PUDP: variants seen among roughly 807,000 people sequenced by gnomAD.
PUDP encodes the protein pseudouridine-5'-phosphatase.
In PUDP, 8 loss-of-function variants were observed where a neutral mutation model predicts 9.4. The observed-to-expected ratio is 0.85, with a 90% CI of 0.50 to 1.53. The LOEUF (loss-of-function observed/expected upper bound fraction) is 1.53. Ranked by LOEUF, PUDP falls within the 40% of genes most tolerant of loss-of-function variation. The pLI is 0.00. For missense variants in PUDP, 188 were observed against 189.7 expected (o/e 0.99, Z 0.05); for synonymous variants, 99 against 80.7 (o/e 1.23, Z -1.22).
At chrX:6,913,902 C>T (rs1010606550) in intron 3 of PUDP, among the ~76,000 whole-genome samples, 2 of 110,488 alleles carry the variant, frequency 1.8e-5, no homozygotes, top group Non-Finnish European at 3.8e-5. Context: ...AAGATCTGTG[C>T]CCCCCCAACT....
downstream of PUDP, among the ~76,000 whole-genome samples, chrX:7,047,116 A>C (rs1034333616): frequency 8.9e-6 from 1 of 112,299 alleles, no homozygotes; most frequent in African/African-American, 3.2e-5. Context: ...AAAGATGTAC[A>C]GAAAAAAATG....
intron 3 of PUDP, among the ~76,000 whole-genome samples, chrX:6,808,221 C>T (rs1197108972): frequency 9.0e-6 from 1 of 111,567 alleles, no homozygotes; most frequent in African/African-American, 3.3e-5. Flanking sequence ...TAATGGCATG[C>T]ATGGCATATG....
At chrX:6,834,010 G>T (rs1926545901) in intron 3 of PUDP, among the ~76,000 whole-genome samples, 1 of 111,562 alleles carries the variant, frequency 9.0e-6, no homozygotes, top group African/African-American at 3.3e-5. Flanking sequence ...TCCTATAATT[G>T]TACATTACAT....
At chrX:6,733,681 C>G (rs1163559787) in intron 3 of PUDP, among the ~76,000 whole-genome samples, 1 of 107,866 alleles carries the variant, frequency 9.3e-6, no homozygotes, top group African/African-American at 3.4e-5. Context: ...TTGGAACACA[C>G]TGAGATTTAG....
intron 3 of PUDP, among the ~76,000 whole-genome samples, chrX:6,913,055 A>G (rs144311403): frequency 0.02 from 2,216 of 112,094 alleles, 59 homozygotes; most frequent in African/African-American, 0.068. Context: ...TTGGGCATAT[A>G]AATTGTTTCT....
At chrX:7,062,192 C>G (rs1460329535) in intron 3 of PUDP, among the ~76,000 whole-genome samples, 1 of 111,854 alleles carries the variant, frequency 8.9e-6, no homozygotes, top group Non-Finnish European at 1.9e-5. Context: ...AGGCAGAAGA[C>G]AGAAAGCAGA....
chrX:6,784,514 G>A (rs1925615573), intron 3 of PUDP, among the ~76,000 whole-genome samples: 1 of 111,454 alleles, frequency 9.0e-6, no homozygotes, highest in African/African-American at 3.3e-5. Context: ...AGGGAAACCA[G>A]CTTTGAAGCA....
chrX:6,888,911 A>C (rs752883643), intron 3 of PUDP, among the ~76,000 whole-genome samples: 25 of 112,153 alleles, frequency 2.2e-4, no homozygotes, highest in African/African-American at 7.8e-4. Flanking sequence ...CCCTGACGAG[A>C]TATTGCACTA....
At chrX:6,759,494 C>T (rs766358793) in intron 3 of PUDP, among the ~76,000 whole-genome samples, 23 of 111,539 alleles carry the variant, frequency 2.1e-4, no homozygotes, top group Non-Finnish European at 3.9e-4. Flanking sequence ...CTGTAGGGAG[C>T]TGTCCTGTGC....
intron 1 of PUDP, among the ~76,000 whole-genome samples, chrX:7,024,874 A>G (rs1224035742): frequency 9.4e-6 from 1 of 105,974 alleles, no homozygotes; most frequent in Admixed American, 1.0e-4. Flanking sequence ...TACAGGCGTG[A>G]GCCACTGCAC....
chrX:6,924,408 CT>C (rs1368552505), intron 3 of PUDP, among the ~76,000 whole-genome samples: 1 of 112,052 alleles, frequency 8.9e-6, no homozygotes, highest in Non-Finnish European at 1.9e-5. Flanking sequence ...GCATTATTGG[CT>C]TTTTAGAGCT....
chrX:6,933,937 C>G (rs6639717), intron 3 of PUDP, among the ~76,000 whole-genome samples: 22,913 of 104,758 alleles, frequency 0.22, 2,397 homozygotes, highest in Admixed American at 0.32. Flanking sequence ...AGAGAAAAAA[C>G]AATAAAAAGA....
intron 3 of PUDP, among the ~76,000 whole-genome samples, chrX:6,931,687 A>C (rs973282609): frequency 5.4e-5 from 6 of 111,691 alleles, no homozygotes; most frequent in Admixed American, 2.9e-4. Flanking sequence ...AAACTCAAAG[A>C]AGCTCAGCTG....
intron 3 of PUDP, among the ~76,000 whole-genome samples, chrX:6,949,207 T>C (rs1249523868): frequency 2.7e-5 from 3 of 112,222 alleles, no homozygotes. Context: ...GCATGCAGAA[T>C]TTGTTGTCCT....
At chrX:6,728,270 T>G (rs988992868) in intron 3 of PUDP, among the ~76,000 whole-genome samples, 6 of 111,008 alleles carry the variant, frequency 5.4e-5, no homozygotes, top group African/African-American at 2.0e-4. Context: ...AGTCTGTAGT[T>G]CCAGCACTTT....
intron 1 of PUDP, among the ~76,000 whole-genome samples, chrX:6,988,684 GT>G (rs769967608): frequency 1.2e-4 from 13 of 111,199 alleles, no homozygotes; most frequent in Non-Finnish European, 1.7e-4. Context: ...GGTTTGGGGA[GT>G]TTCTTCAGAC....
intron 3 of PUDP, among the ~76,000 whole-genome samples, chrX:6,904,272 T>A (rs1256909937): frequency 1.8e-5 from 2 of 110,672 alleles, no homozygotes; most frequent in Non-Finnish European, 3.8e-5. Context: ...TTTTTTAATG[T>A]GGGTGTAGAA....
intron 3 of PUDP, among the ~76,000 whole-genome samples, chrX:6,910,376 A>C (rs775979573): frequency 1.8e-4 from 20 of 112,061 alleles, no homozygotes; most frequent in Admixed American, 1.6e-3. Context: ...TGAGTCATGA[A>C]CAGCAGCTTT....
intron 3 of PUDP, among the ~76,000 whole-genome samples, chrX:6,766,335 C>T (rs1418442661): frequency 8.9e-6 from 1 of 111,802 alleles, no homozygotes; most frequent in African/African-American, 3.2e-5. Flanking sequence ...AATAAATATG[C>T]TCTCCTTCTT....
Sources: allele counts gnomAD v4.1 joint callset (sites outside exome capture counted in the v4.1 genomes callset), GRCh38; gene constraint gnomAD v4.1.1; transcripts MANE v1.5; gene names NCBI Gene and HGNC (gene_info 2026-07-23, HGNC 2026-07-21).